The following SBF2 variants were observed in gnomAD, a reference collection of about 807,000 sequenced individuals.
SBF2 encodes the protein SET binding factor 2.
In SBF2, 112 loss-of-function variants were observed where a neutral mutation model predicts 225.2. That is an observed-to-expected ratio of 0.50 (90% CI 0.43 to 0.58). The LOEUF (loss-of-function observed/expected upper bound fraction) is 0.58. Among genes scored for constraint, SBF2 ranks in the 20% least tolerant of loss-of-function variants. The pLI is 0.00. For missense variants in SBF2, 1,996 were observed against 2,206.2 expected, an observed-to-expected ratio of 0.90 and a Z score of 1.91; for synonymous variants, 763 against 773.3, an observed-to-expected ratio of 0.99 and a Z score of 0.22.
intron 1 of SBF2, among the ~76,000 whole-genome samples, chr11:10,253,874 G>A (rs1256125308): frequency 2.0e-5 from 3 of 151,740 alleles, no homozygotes; most frequent in Non-Finnish European, 4.4e-5. Context: ...CTGGCCACAA[G>A]ATACATGAAA....
At chr11:10,243,128 A>G (rs941732905) in intron 1 of SBF2, among the ~76,000 whole-genome samples, 4 of 152,158 alleles carry the variant, frequency 2.6e-5, no homozygotes, top group African/African-American at 7.2e-5. Flanking sequence ...AATAATTCCA[A>G]GTATCTTTTC....
intron 2 of SBF2, among the ~76,000 whole-genome samples, chr11:10,099,996 C>G (rs1176644880): frequency 6.6e-6 from 1 of 152,174 alleles, no homozygotes; most frequent in Admixed American, 6.5e-5. Context: ...AAGTTCTTAT[C>G]TATCAATAAT....
At chr11:9,961,855 G>C (rs776291389) in intron 16 of SBF2, 102 bp downstream of exon 16, 1 of 1,043,204 alleles carries the variant, frequency 9.6e-7, no homozygotes, top group Non-Finnish European at 1.4e-6. Context: ...CCTATTAGCT[G>C]TGGTAGGCTC....
chr11:10,217,427 A>G (rs1822293), intron 1 of SBF2, among the ~76,000 whole-genome samples: 91,893 of 152,084 alleles, frequency 0.6, 28,493 homozygotes, highest in East Asian at 0.97. Flanking sequence ...AACAAAACAC[A>G]CACACTCAAG....
chr11:10,216,537 A>G (rs183127310), intron 1 of SBF2, among the ~76,000 whole-genome samples: 40 of 152,364 alleles, frequency 2.6e-4, no homozygotes, highest in African/African-American at 8.9e-4. Context: ...AGGAACGTAG[A>G]AGAATTAGTT....
intron 16 of SBF2, among the ~76,000 whole-genome samples, chr11:9,900,056 A>AAAAC (rs1861605061): frequency 3.3e-5 from 5 of 150,460 alleles, no homozygotes; most frequent in African/African-American, 1.2e-4. Flanking sequence ...AAAAAAAAAA[A>AAAAC]CAGGATTTGG....
chr11:9,863,046 T>C (rs1857894723), intron 17 of SBF2, among the ~76,000 whole-genome samples: 1 of 152,196 alleles, frequency 6.6e-6, no homozygotes, highest in East Asian at 1.9e-4. Context: ...TGCCATGCAA[T>C]TTTATGAGAT....
chr11:10,106,364 T>G (rs576424520), intron 2 of SBF2, among the ~76,000 whole-genome samples: 33 of 152,322 alleles, frequency 2.2e-4, no homozygotes, highest in African/African-American at 6.0e-4. Context: ...CAGTGGCTCA[T>G]GCCTGTAATC....
At chr11:10,025,300 G>A (rs1310333622) in intron 6 of SBF2, among the ~76,000 whole-genome samples, 2 of 151,988 alleles carry the variant, frequency 1.3e-5, no homozygotes, top group East Asian at 1.9e-4. Flanking sequence ...TGTAATTCCC[G>A]AGGGAGCCAG....
At chr11:10,291,239 C>G (rs1440914401) in intron 1 of SBF2, among the ~76,000 whole-genome samples, 1 of 152,156 alleles carries the variant, frequency 6.6e-6, no homozygotes, top group Non-Finnish European at 1.5e-5. Context: ...GTGATCAGGT[C>G]ATGGTGGTGG....
chr11:10,120,646 A>T (rs1953393840), intron 2 of SBF2, among the ~76,000 whole-genome samples: 1 of 152,094 alleles, frequency 6.6e-6, no homozygotes, highest in South Asian at 2.1e-4. Context: ...TTTGAGACAG[A>T]GTCTCGCTCT....
At chr11:9,780,713 A>G (rs571752233) in intron 39 of SBF2, 197 bp from the exon 40 acceptor site, 2 of 616,886 alleles carry the variant, frequency 3.2e-6, no homozygotes, top group East Asian at 3.0e-5. Flanking sequence ...ATGTTGATAG[A>G]AGGGTACTGG....
At chr11:10,222,805 C>T (rs934630504) in intron 1 of SBF2, among the ~76,000 whole-genome samples, 5 of 152,220 alleles carry the variant, frequency 3.3e-5, no homozygotes, top group East Asian at 3.9e-4. Context: ...CAGACCTTGG[C>T]GATGACCCTG....
rs774667470 is a variant in SBF2 at position 9,832,350 on chromosome 11, G to A, written c.3526C>T (p.Arg1176Ter). 7 of 1,613,890 alleles carry A rather than the reference G, an allele frequency of 4.3e-6. No individual in the cohort carries two copies. The highest frequency in any genetic ancestry group is 2.2e-5 in the East Asian group (1 of 44,874). Residue 1176 changes from arginine (R) to a stop codon, truncating the protein, a stop_gained, in exon 27 of 40, where the codon CGA becomes TGA. Coordinates refer to ENST00000256190, the MANE Select transcript of SBF2 (RefSeq NM_030962.4). LOFTEE classifies it high-confidence loss of function. ...CATACAACAGGCAGGCGATTGTGTCGATAGCAGCGAGCTACTCTTGGTAAA... is the reference window on the plus strand; with the variant it reads ...CATACAACAGGCAGGCGATTGTGTCAATAGCAGCGAGCTACTCTTGGTAAA... The part of the protein sequence containing the change: ...SSLPRVARCY[R>*]HNRLPVVCWK...
At chr11:10,302,241 G>C (rs1237529764) in intron 1 of SBF2, among the ~76,000 whole-genome samples, 2 of 152,118 alleles carry the variant, frequency 1.3e-5, no homozygotes, top group African/African-American at 4.8e-5. Context: ...ACAAACTCGA[G>C]ATTTCACGAG....
At chr11:10,022,602 C>G (rs954693081) in intron 6 of SBF2, among the ~76,000 whole-genome samples, 21 of 151,774 alleles carry the variant, frequency 1.4e-4, no homozygotes, top group East Asian at 1.2e-3. Flanking sequence ...ATGTACCCAC[C>G]CCCCCATCAT....
chr11:9,976,844 C>T (rs988395892), intron 13 of SBF2, among the ~76,000 whole-genome samples: 21 of 151,892 alleles, frequency 1.4e-4, no homozygotes, highest in Admixed American at 1.4e-3. Flanking sequence ...TCTCGGCTCA[C>T]TGCAACCTCC....
intron 1 of SBF2, among the ~76,000 whole-genome samples, chr11:10,203,293 C>A (rs556472934): frequency 7.9e-5 from 12 of 152,324 alleles, no homozygotes; most frequent in African/African-American, 2.2e-4. Flanking sequence ...AGGCCAGGGA[C>A]TGTTTTTGTT....
At chr11:10,096,194 GA>G (rs1185785474) in intron 2 of SBF2, among the ~76,000 whole-genome samples, 1 of 152,008 alleles carries the variant, frequency 6.6e-6, no homozygotes, top group Non-Finnish European at 1.5e-5. Flanking sequence ...CCTAAAACAA[GA>G]TAATTGTATT....
Sources: gnomAD v4.1 joint callset for allele counts (sites outside exome capture counted in the v4.1 genomes callset) on GRCh38, gnomAD v4.1.1 for gene constraint, MANE v1.5 for transcripts, NCBI Gene and HGNC (gene_info 2026-07-23, HGNC 2026-07-21) for gene names.